Variants in DLGAP1 observed in about 807,000 individuals in gnomAD.
DLGAP1 encodes disks large-associated protein 1.
A neutral mutation model predicts 90.8 loss-of-function variants in DLGAP1; 11 were observed. That is an observed-to-expected ratio of 0.12 (90% CI 0.08 to 0.20). The LOEUF (loss-of-function observed/expected upper bound fraction) is 0.20, where lower values mean the gene tolerates loss of function less well. DLGAP1 is among the 10% of genes least tolerant of loss of function. The pLI, the probability that DLGAP1 is intolerant of heterozygous loss-of-function variation, is 1.00. For synonymous variants in DLGAP1, 558 were observed against 540.7 expected (o/e 1.03, Z -0.44); for missense variants, 1,050 against 1,333.8 (o/e 0.79, Z 3.31).
At chr18:4,399,636 G>A (rs1405134203) in intron 1 of DLGAP1, among the ~76,000 whole-genome samples, 1 of 152,190 alleles carries the variant, frequency 6.6e-6, no homozygotes, top group Non-Finnish European at 1.5e-5. Flanking sequence ...GATAAAGCCA[G>A]CACTCTCGTT....
At chr18:4,117,842 C>T (rs11876494) in intron 2 of DLGAP1, among the ~76,000 whole-genome samples, 72,485 of 151,888 alleles carry the variant, frequency 0.48, 17,870 homozygotes, top group African/African-American at 0.6. Context: ...GTTCAGCCAG[C>T]TGTGGTGAAG....
intron 2 of DLGAP1, among the ~76,000 whole-genome samples, chr18:4,097,069 T>G (rs1276802297): frequency 2.0e-5 from 3 of 152,224 alleles, no homozygotes; most frequent in Non-Finnish European, 4.4e-5. Context: ...AGATTAATCT[T>G]TCTGCAGCAC....
chr18:3,918,038 A>C (rs1383035604), intron 3 of DLGAP1, among the ~76,000 whole-genome samples: 1 of 152,204 alleles, frequency 6.6e-6, no homozygotes, highest in Non-Finnish European at 1.5e-5. Context: ...GAAAGGAATC[A>C]GTTTTACAAG....
At chr18:4,254,691 G>C (rs1283689220) in intron 1 of DLGAP1, among the ~76,000 whole-genome samples, 1 of 145,692 alleles carries the variant, frequency 6.9e-6, no homozygotes, top group African/African-American at 2.8e-5. Flanking sequence ...TCTGGTTTAT[G>C]AAAATTGGAA....
intron 1 of DLGAP1, among the ~76,000 whole-genome samples, chr18:4,253,029 G>C (rs1417499186): frequency 6.6e-6 from 1 of 152,186 alleles, no homozygotes; most frequent in African/African-American, 2.4e-5. Flanking sequence ...GAATCCCTGG[G>C]AGAAGACAAA....
chr18:3,942,567 A>G (rs1318671619), intron 3 of DLGAP1, among the ~76,000 whole-genome samples: 1 of 152,216 alleles, frequency 6.6e-6, no homozygotes, highest in Non-Finnish European at 1.5e-5. Flanking sequence ...AATTTGTCTT[A>G]GGAAGGGCTG....
At chr18:3,990,435 GAGAACACATGGACACAGGA>G (rs1335705818) in intron 3 of DLGAP1, among the ~76,000 whole-genome samples, 4 of 141,162 alleles carry the variant, frequency 2.8e-5, no homozygotes, top group African/African-American at 1.0e-4. Flanking sequence ...ATCGAACAAT[GAGAACACATGGACACAGGA>G]AGGGGAACAT....
At position 3,775,478 on chromosome 18, in the gene DLGAP1, C is replaced by T. The variant is rs1010757792; in HGVS notation, c.1173-32966G>A. 2.0e-5 allele frequency among the ~76,000 whole-genome samples: 3 copies of T among 152,182 alleles called. No homozygotes were observed. The highest frequency in any genetic ancestry group is 1.9e-4 in the East Asian group (1 of 5,184). The stretch of plus-strand genomic sequence containing the variant: ...TACTGCTCCAGCAATGTAGGACATG[C>T]CTGCTTCCCTTTCCCCTTCCACCAT... On this transcript the variant is annotated intron_variant, in intron 5 of 12. Coordinates refer to ENST00000315677, the MANE Select transcript of DLGAP1 (RefSeq NM_004746.4). This position sits in a 1 kb window ranked among gnomAD's most constrained non-coding sequence, Gnocchi z 4.9.
intron 7 of DLGAP1, among the ~76,000 whole-genome samples, chr18:3,602,262 T>C (rs1163903543): frequency 6.6e-6 from 1 of 151,992 alleles, no homozygotes; most frequent in East Asian, 1.9e-4. Context: ...ACCCACCAGA[T>C]AACCGAGACA....
chr18:3,862,480 A>C (rs2070129990), intron 4 of DLGAP1, among the ~76,000 whole-genome samples: 1 of 152,348 alleles, frequency 6.6e-6, no homozygotes, highest in African/African-American at 2.4e-5. Context: ...GAGAATGGAG[A>C]TATCACGTAA....
At chr18:3,951,748 G>A (rs1158315627) in intron 3 of DLGAP1, among the ~76,000 whole-genome samples, 2 of 152,176 alleles carry the variant, frequency 1.3e-5, no homozygotes, top group Non-Finnish European at 2.9e-5. Context: ...AAGTTCTTAA[G>A]AGATCTGATG....
At chr18:3,754,787 T>G (rs889017358) in intron 5 of DLGAP1, among the ~76,000 whole-genome samples, 2 of 150,896 alleles carry the variant, frequency 1.3e-5, no homozygotes, top group Admixed American at 1.3e-4. Context: ...TCCCAGCTAC[T>G]TGGGAGGCTG....
intron 7 of DLGAP1, among the ~76,000 whole-genome samples, chr18:3,714,649 T>G (rs996599251): frequency 6.7e-6 from 1 of 149,428 alleles, no homozygotes; most frequent in African/African-American, 2.5e-5. Context: ...GTTTTTTTTT[T>G]TTTTTTTTTT....
chr18:4,019,253 G>A (rs1861615886), intron 2 of DLGAP1, among the ~76,000 whole-genome samples: 1 of 151,924 alleles, frequency 6.6e-6, no homozygotes, highest in East Asian at 1.9e-4. Context: ...ACTTTATAAA[G>A]TTATATAAAT....
chr18:4,400,847 G>A (rs2082539868), intron 1 of DLGAP1, among the ~76,000 whole-genome samples: 1 of 152,106 alleles, frequency 6.6e-6, no homozygotes, highest in South Asian at 2.1e-4. Flanking sequence ...CCCTTTAAGA[G>A]CTCCTGCTAT....
At chr18:3,833,194 C>A (rs373348961) in intron 4 of DLGAP1, among the ~76,000 whole-genome samples, 644 of 16,230 alleles carry the variant, frequency 0.04, 81 homozygotes, top group African/African-American at 0.098. Context: ...TCCTTCCTTC[C>A]TTCCTTCCTT....
intron 1 of DLGAP1, among the ~76,000 whole-genome samples, chr18:4,171,307 A>G (rs1255755409): frequency 6.6e-6 from 1 of 152,094 alleles, no homozygotes; most frequent in East Asian, 1.9e-4. Context: ...AGGCCACGGC[A>G]GGCAGATCAC....
rs151215511 is a variant in DLGAP1 at position 4,352,516 on chromosome 18, G to C, written c.-267+102490C>G. 7.8e-3 allele frequency among the ~76,000 whole-genome samples: 1,180 copies of C among 152,160 alleles called. 11 individuals carry two copies. Among genetic ancestry groups the C allele is most frequent in the Middle Eastern group, 0.02 (6 of 294 alleles). On this transcript the variant is annotated intron_variant, in intron 1 of 12. Transcript: ENST00000315677. The stretch of plus-strand genomic sequence containing the variant: ...ACAGGTATACATAGGACATGAAGTG[G>C]CTTTCTGTAAACAAAGATAAATGTC...
chr18:4,415,938 TGA>T (rs1299407394), intron 1 of DLGAP1, among the ~76,000 whole-genome samples: 1 of 152,202 alleles, frequency 6.6e-6, no homozygotes, highest in Non-Finnish European at 1.5e-5. Context: ...TCAGAACTTG[TGA>T]GTCCTCTTTC....
Sources: gnomAD v4.1 joint callset for allele counts (sites outside exome capture counted in the v4.1 genomes callset) on GRCh38, gnomAD v4.1.1 for gene constraint, Gnocchi (gnomAD v3.1) non-coding constraint, MANE v1.5 for transcripts, NCBI Gene and HGNC (gene_info 2026-07-23, HGNC 2026-07-21) for gene names.